The following RPS6KC1 variants were observed in gnomAD, a reference collection of about 807,000 sequenced individuals.
The protein encoded by RPS6KC1 is inactive ribosomal protein S6 kinase delta-1.
Under a neutral mutation model 103.8 loss-of-function variants are expected in RPS6KC1, and 54 were observed. The observed-to-expected ratio is 0.52, with a 90% CI of 0.42 to 0.65. The LOEUF (loss-of-function observed/expected upper bound fraction) is 0.65, where lower values mean the gene tolerates loss of function less well. RPS6KC1 is among the 30% of genes least tolerant of loss of function. The probability of loss-of-function intolerance (pLI) is 0.00; values close to 1 mark genes in which losing one functional copy is unlikely to be tolerated. For synonymous variants in RPS6KC1, 439 were observed against 438.7 expected (o/e 1.00, Z -0.01); for missense variants, 1,151 against 1,253.8 (o/e 0.92, Z 1.24).
At chr1:213,830,517 T>A in the RPS6KC1 span, among the ~76,000 whole-genome samples, 1 of 152,096 alleles carries the variant, frequency 6.6e-6, no homozygotes, top group Non-Finnish European at 1.5e-5. Flanking sequence ...TCATTGCTAA[T>A]CCCGGTATAA....
the RPS6KC1 span, among the ~76,000 whole-genome samples, chr1:213,340,671 G>A: frequency 1.3e-5 from 2 of 152,110 alleles, no homozygotes; most frequent in African/African-American, 2.4e-5. Flanking sequence ...CCTCTCCCCC[G>A]CCTCCCTTCA....
the RPS6KC1 span, among the ~76,000 whole-genome samples, chr1:213,504,186 G>T: frequency 3.9e-5 from 6 of 152,082 alleles, no homozygotes; most frequent in Admixed American, 1.3e-4. Context: ...ATAAAGGGAG[G>T]TGGGTCCAAG....
In RPS6KC1 at chr1:213,200,910, G is replaced by C. The variant is rs1156680722; in HGVS notation, c.1044+24418G>C. ...CGCATGTTCCTACTTACAAGTGGGAGCTAAATGATGAGAACACTCAGACAC... is the reference window on the plus strand; with the variant it reads ...CGCATGTTCCTACTTACAAGTGGGACCTAAATGATGAGAACACTCAGACAC... On this transcript the variant is annotated intron_variant, in intron 8 of 14. Transcript: ENST00000366960. 3.9e-5 allele frequency among the ~76,000 whole-genome samples: 6 copies of C among 152,152 alleles called. No individual in the cohort carries two copies. In the East Asian group the frequency reaches 1.2e-3, roughly 29 times the overall value.
At chr1:213,550,672 C>T in the RPS6KC1 span, among the ~76,000 whole-genome samples, 132 of 152,246 alleles carry the variant, frequency 8.7e-4, 1 homozygote, top group African/African-American at 3.1e-3. Flanking sequence ...TTGGACAGCT[C>T]GATTTGTTAA....
chr1:213,168,590 C>T (rs2091199207), intron 7 of RPS6KC1, among the ~76,000 whole-genome samples: 1 of 151,618 alleles, frequency 6.6e-6, no homozygotes, highest in Non-Finnish European at 1.5e-5. Flanking sequence ...AGAATTGTGT[C>T]TTCCGGAAAT....
chr1:213,370,282 A>AT, the RPS6KC1 span, among the ~76,000 whole-genome samples: 31 of 149,262 alleles, frequency 2.1e-4, no homozygotes, highest in Non-Finnish European at 2.5e-4. Flanking sequence ...ATTTTATTTT[A>AT]TTTTTTTTGC....
At chr1:213,428,896 C>A in the RPS6KC1 span, 1 of 157,134 alleles carries the variant, frequency 6.4e-6, no homozygotes, top group South Asian at 1.8e-4. Flanking sequence ...ATGTGCACAT[C>A]TGGAATTCCC....
the RPS6KC1 span, among the ~76,000 whole-genome samples, chr1:213,688,039 G>T: frequency 6.6e-4 from 100 of 152,288 alleles, no homozygotes; most frequent in African/African-American, 2.1e-3. Flanking sequence ...TTGGTGTGGG[G>T]CCCTGAGCTT....
At chr1:213,607,313 G>A in the RPS6KC1 span, among the ~76,000 whole-genome samples, 1 of 152,102 alleles carries the variant, frequency 6.6e-6, no homozygotes, top group Admixed American at 6.5e-5. Context: ...AAAAGAAATG[G>A]GATATAAGCC....
At chr1:213,070,829 A>G (rs1193509493) in intron 1 of RPS6KC1, among the ~76,000 whole-genome samples, 177 bp from the exon 2 acceptor site, 2 of 152,252 alleles carry the variant, frequency 1.3e-5, no homozygotes, top group African/African-American at 2.4e-5. Flanking sequence ...TTGATTTAAC[A>G]GTATGAATTT....
At chr1:213,221,773 C>A (rs12082134) in intron 8 of RPS6KC1, among the ~76,000 whole-genome samples, 8,440 of 152,170 alleles carry the variant, frequency 0.055, 275 homozygotes, top group African/African-American at 0.085. Flanking sequence ...TAAGATAAAT[C>A]AGATAACTAC....
the RPS6KC1 span, among the ~76,000 whole-genome samples, chr1:213,714,185 A>T: frequency 9.2e-5 from 14 of 152,336 alleles, no homozygotes; most frequent in African/African-American, 3.1e-4. Context: ...TAGATATTGT[A>T]GTTGTTTCTA....
chr1:213,602,017 TTTCTTTCTTTCTCTTTCTCTTTC>T, the RPS6KC1 span, among the ~76,000 whole-genome samples: 3 of 29,356 alleles, frequency 1.0e-4, no homozygotes, highest in Admixed American at 3.7e-4. Context: ...TTTTCTTTTC[TTTCTTTCTTTCTCTTTCTCTTTC>T]TTTCTTTCTT....
chr1:213,146,895 C>G (rs189041633), intron 6 of RPS6KC1, among the ~76,000 whole-genome samples: 1 of 152,286 alleles, frequency 6.6e-6, no homozygotes, highest in African/African-American at 2.4e-5. Flanking sequence ...GCCATTTTAA[C>G]TGGGCGGGGA....
chr1:213,539,457 A>T, the RPS6KC1 span, among the ~76,000 whole-genome samples: 3 of 152,226 alleles, frequency 2.0e-5, no homozygotes, highest in Non-Finnish European at 4.4e-5. Flanking sequence ...CCAGTTGGAA[A>T]GTAAATAGGA....
intron 3 of RPS6KC1, among the ~76,000 whole-genome samples, chr1:213,098,603 G>C (rs2081703726): frequency 1.3e-5 from 2 of 152,130 alleles, no homozygotes; most frequent in Non-Finnish European, 2.9e-5. Context: ...CTGGTTGGTG[G>C]AGCAGTCAGA....
At chr1:213,242,723 G>A (rs1277884492) in intron 12 of RPS6KC1, 65 bp downstream of exon 12, 4 of 1,194,266 alleles carry the variant, frequency 3.3e-6, no homozygotes, top group Non-Finnish European at 4.9e-6. Flanking sequence ...TTTCTTTATA[G>A]AAGTTGTATT....
the RPS6KC1 span, among the ~76,000 whole-genome samples, chr1:213,539,860 A>AT: frequency 0.59 from 89,085 of 151,978 alleles, 27,996 homozygotes; most frequent in Non-Finnish European, 0.7. Flanking sequence ...GGTCACACAC[A>AT]TTTTTTTGGT....
At chr1:213,393,473 A>G in the RPS6KC1 span, among the ~76,000 whole-genome samples, 5,108 of 152,242 alleles carry the variant, frequency 0.034, 305 homozygotes, top group African/African-American at 0.12. Context: ...CTCTTAATGT[A>G]TCACCATCCT....
Sources: gnomAD v4.1 joint callset for allele counts (sites outside exome capture counted in the v4.1 genomes callset) on GRCh38, gnomAD v4.1.1 for gene constraint, MANE v1.5 for transcripts, NCBI Gene and HGNC (gene_info 2026-07-23, HGNC 2026-07-21) for gene names.